Variants in GSE1 observed in about 807,000 individuals in gnomAD.
GSE1 encodes the protein Gse1 coiled-coil protein, also known as genetic suppressor element 1.
GSE1 carries 32 observed loss-of-function variants against 112.6 expected under a neutral mutation model. The observed-to-expected ratio is 0.28, with a 90% CI of 0.21 to 0.38. GSE1 has a LOEUF of 0.38. Among genes scored for constraint, GSE1 ranks in the 10% least tolerant of loss-of-function variants. GSE1 has a pLI of 1.00. For missense variants in GSE1, 2,348 were observed against 1,699.2 expected (o/e 1.38, Z -6.71); for synonymous variants, 1,115 against 735.6 (o/e 1.52, Z -8.35).
intron 13 of GSE1, 58 bp from the exon 14 acceptor site, chr16:85,668,082 G>C: frequency 7.4e-7 from 1 of 1,352,428 alleles, no homozygotes; most frequent in Non-Finnish European, 1.0e-6. Flanking sequence ...TCCCTTCTGA[G>C]ACAGCACCCT....
At chr16:85,621,368 C>T (rs969401492) in intron 1 of GSE1, among the ~76,000 whole-genome samples, 3 of 152,234 alleles carry the variant, frequency 2.0e-5, no homozygotes, top group African/African-American at 7.2e-5. Flanking sequence ...GTCCACCGCC[C>T]CCCGTGCTGG....
intron 1 of GSE1, among the ~76,000 whole-genome samples, chr16:85,202,861 C>G (rs2075052726): frequency 1.3e-5 from 2 of 152,196 alleles, no homozygotes; most frequent in African/African-American, 4.8e-5. Flanking sequence ...TTGTCCTGCG[C>G]TCGCCCTGGA....
chr16:85,654,764 C>T (rs762360784), intron 4 of GSE1, 30 bp from the exon 5 acceptor site: 40 of 1,453,968 alleles, frequency 2.8e-5, no homozygotes, highest in Middle Eastern at 1.7e-4. Context: ...ACTCACCTGT[C>T]CCCACCTTGC....
intron 1 of GSE1, among the ~76,000 whole-genome samples, chr16:85,633,335 G>C (rs886120273): frequency 6.6e-6 from 1 of 152,152 alleles, no homozygotes; most frequent in African/African-American, 2.4e-5. Flanking sequence ...CTGAGTGCCC[G>C]CGTGGACTGG....
intron 1 of GSE1, among the ~76,000 whole-genome samples, chr16:85,250,063 T>C (rs1458202654): frequency 1.3e-5 from 2 of 152,242 alleles, no homozygotes; most frequent in East Asian, 1.9e-4. Flanking sequence ...TGGCTCCTGC[T>C]GCAGCTCCTG....
In GSE1 at chr16:85,337,366, C is replaced by T. The variant is rs570760065; in HGVS notation, c.2284-20097C>T. ...TGTCGCCCAGGCTGGAGTGCAGTGG[C>T]GCGATCTCGGCTCACTGCAAGCTCC... On this transcript the variant is annotated intron_variant, in intron 1 of 2. Transcript: ENST00000637419. 9.2e-3 allele frequency among the ~76,000 whole-genome samples: 1,342 copies of T among 145,946 alleles called. 4 individuals carry two copies. The highest frequency in any genetic ancestry group is 0.023 in the Middle Eastern group (6 of 266).
intron 1 of GSE1, among the ~76,000 whole-genome samples, chr16:85,620,437 T>C (rs1244211198): frequency 6.6e-6 from 1 of 152,268 alleles, no homozygotes; most frequent in Non-Finnish European, 1.5e-5. Flanking sequence ...TTCCATTCAC[T>C]TAAATATACG....
chr16:85,389,867 AGCT>A (rs1258340063), intron 2 of GSE1, among the ~76,000 whole-genome samples: 5 of 152,206 alleles, frequency 3.3e-5, no homozygotes, highest in Non-Finnish European at 7.3e-5. Context: ...ACTTGCAAAC[AGCT>A]GCATGGCAGG....
At chr16:85,266,268 A>G (rs1908234865) in intron 1 of GSE1, among the ~76,000 whole-genome samples, 1 of 152,104 alleles carries the variant, frequency 6.6e-6, no homozygotes, top group Non-Finnish European at 1.5e-5. Context: ...CTCTCTCTCT[A>G]GGAAAACTCT....
chr16:85,496,728 C>T (rs939410956), intron 2 of GSE1, among the ~76,000 whole-genome samples: 9 of 152,068 alleles, frequency 5.9e-5, no homozygotes, highest in Non-Finnish European at 1.3e-4. Context: ...GAGTGATGGT[C>T]GGGGGTGCAC....
Position 85,508,443 on chromosome 16 carries a change from G to T in GSE1, c.2465-125471G>T, listed in dbSNP as rs555929163. Among the ~76,000 whole-genome samples the T allele has an allele frequency of 1.3e-3, 193 of 152,314 alleles. 1 individual carries two copies. Among genetic ancestry groups the T allele is most frequent in the African/African-American group, 4.6e-3 (192 of 41,570 alleles). On this transcript the variant is annotated intron_variant, in intron 2 of 2. Transcript: ENST00000637419. ...CCACCAGGGGCGAGAGGTGAGTTGG[G>T]ACAGGATGGAGGAGAAGCCAGCAGC...
intron 1 of GSE1, among the ~76,000 whole-genome samples, chr16:85,216,970 C>G (rs542900777): frequency 6.6e-6 from 1 of 152,360 alleles, no homozygotes; most frequent in East Asian, 1.9e-4. Context: ...AAGCGGCAAG[C>G]CCCTGATGCT....
chr16:85,233,615 C>T (rs1904319999), intron 1 of GSE1, among the ~76,000 whole-genome samples: 1 of 152,104 alleles, frequency 6.6e-6, no homozygotes. Context: ...GTGGCCTCTG[C>T]ATGTGTGTGT....
At chr16:85,536,363 A>G (rs1324769722) in intron 2 of GSE1, among the ~76,000 whole-genome samples, 2 of 152,354 alleles carry the variant, frequency 1.3e-5, no homozygotes, top group East Asian at 3.9e-4. Flanking sequence ...GAGAAGAAAT[A>G]GAGCCCCATC....
At chr16:85,383,129 C>T (rs1332476971) in intron 2 of GSE1, among the ~76,000 whole-genome samples, 2 of 152,000 alleles carry the variant, frequency 1.3e-5, no homozygotes, top group Non-Finnish European at 2.9e-5. Flanking sequence ...GCTCTTGACA[C>T]AAACACCATA....
chr16:85,288,170 G>A lies in GSE1; in HGVS notation c.2284-69293G>A, dbSNP rs188702684. Among the ~76,000 whole-genome samples the A allele has an allele frequency of 5.3e-5, 8 of 152,328 alleles. No homozygotes were observed. In the South Asian group the frequency reaches 8.3e-4, roughly 16 times the overall value. On this transcript the variant is annotated intron_variant, in intron 1 of 2. Coordinates refer to the GSE1 transcript ENST00000637419. ...CAGGAGAGTCGTTTGACCCCGGGAG[G>A]CGGAGGTTGCAGTGAGCTGAGATCA...
chr16:85,670,859 C>G (rs1211684231), intron 14 of GSE1, 136 bp from the exon 15 acceptor site: 3 of 628,678 alleles, frequency 4.8e-6, no homozygotes, highest in African/African-American at 3.7e-5. Flanking sequence ...GCATTGTGGT[C>G]CACAGGAGAG....
intron 2 of GSE1, among the ~76,000 whole-genome samples, chr16:85,546,020 C>T (rs1043899208): frequency 3.3e-5 from 5 of 152,150 alleles, no homozygotes; most frequent in East Asian, 1.9e-4. Context: ...CTCCTGACCT[C>T]GTGATCTGCC....
chr16:85,522,041 G>A lies in GSE1; in HGVS notation c.2465-111873G>A, dbSNP rs540274252. ...TCTCCAGAGCCTCCTAGAAACTCCA[G>A]GAGACCCCATGGGAAGACGGTCTTT... is the stretch of plus-strand genomic sequence containing the variant. On this transcript the variant is annotated intron_variant, in intron 2 of 2. Coordinates refer to the GSE1 transcript ENST00000637419. Among the ~76,000 whole-genome samples, 89 of 152,340 alleles carry A rather than the reference G, an allele frequency of 5.8e-4. 1 individual carries two copies. Among genetic ancestry groups the A allele is most frequent in the African/African-American group, 2.1e-3 (87 of 41,584 alleles).
Sources: allele counts gnomAD v4.1 joint callset (sites outside exome capture counted in the v4.1 genomes callset), GRCh38; gene constraint gnomAD v4.1.1; transcripts MANE v1.5; gene names NCBI Gene and HGNC (gene_info 2026-07-23, HGNC 2026-07-21).